The following SORCS1 variants were observed in gnomAD, a reference collection of about 807,000 sequenced individuals.
The protein encoded by SORCS1 is sortilin related VPS10 domain containing receptor 1, also known as VPS10 domain-containing receptor SorCS1.
SORCS1 carries 60 observed loss-of-function variants against 146.1 expected under a neutral mutation model. The observed-to-expected ratio is 0.41, with a 90% CI of 0.33 to 0.51. SORCS1 has a LOEUF of 0.51. Ranked by LOEUF, SORCS1 falls within the 20% of genes least tolerant of loss-of-function variation. The pLI, the probability that SORCS1 is intolerant of heterozygous loss-of-function variation, is 0.21. For synonymous variants in SORCS1, 637 were observed against 584.0 expected (o/e 1.09, Z -1.31); for missense variants, 1,352 against 1,487.6 (o/e 0.91, Z 1.50).
intron 2 of SORCS1, among the ~76,000 whole-genome samples, chr10:106,913,573 G>A (rs1236126407): frequency 6.6e-6 from 1 of 152,168 alleles, no homozygotes; most frequent in East Asian, 1.9e-4. Flanking sequence ...CAAGGGTTTC[G>A]TAGCTGGGTG....
chr10:107,164,168 C>A lies in SORCS1; in HGVS notation c.359G>T (p.Arg120Leu). The A allele has an allele frequency of 6.2e-7, 1 of 1,612,718 alleles. No individual in the cohort carries two copies. The highest frequency in any genetic ancestry group is 8.5e-7 in the Non-Finnish European group (1 of 1,180,008). The change falls in exon 1 of 26, where the codon CGG (arginine) becomes CTG (leucine). Residue 120 changes from arginine to leucine, a missense_variant. This residue lies in a region of SORCS1 where 490 missense variants were observed against 489.1 expected (regional missense o/e 1.00). Coordinates refer to ENST00000263054, the MANE Select transcript of SORCS1 (RefSeq NM_052918.5). The surrounding 1 kb of genome is among the most constrained non-coding windows in gnomAD (Gnocchi z 6.8). ...GGGGCTCCGACTCGCGCCCTCTCCC[C>A]GTTCTGCCTTCTCCTGATCCGCTCC... Reference protein sequence around the residue: ...RSGADQEKAERGEGASRSPRG... With the variant: ...RSGADQEKAELGEGASRSPRG...
intron 4 of SORCS1, among the ~76,000 whole-genome samples, chr10:106,767,353 G>A (rs116555943): frequency 1.1e-3 from 170 of 152,298 alleles, no homozygotes; most frequent in African/African-American, 3.9e-3. Context: ...TACGGAACTA[G>A]AGCCGGTTGG....
At chr10:107,127,896 T>C (rs945408115) in intron 1 of SORCS1, among the ~76,000 whole-genome samples, 1 of 152,246 alleles carries the variant, frequency 6.6e-6, no homozygotes, top group Non-Finnish European at 1.5e-5. Context: ...CTTTACTAGC[T>C]GTGTGAACTT....
the SORCS1 span, among the ~76,000 whole-genome samples, chr10:107,174,718 T>A: frequency 1.3e-5 from 2 of 152,154 alleles, no homozygotes; most frequent in South Asian, 4.1e-4. Flanking sequence ...CTTAAGGATA[T>A]GTGCATATTA....
chr10:106,611,875 G>A (rs1481745085), intron 22 of SORCS1, 36 bp downstream of exon 22: 3 of 1,483,010 alleles, frequency 2.0e-6, no homozygotes, highest in Non-Finnish European at 2.8e-6. Flanking sequence ...AGAGAGAAAA[G>A]GTACCCGGGC....
chr10:106,575,564 C>T lies in SORCS1; in HGVS notation c.*1856G>A, dbSNP rs991129704. Reference sequence around the variant, plus strand: ...AACAGGCTTTTGTTTCCCTCTTTCTCTGAGCCTTCTTTCATGATTACCCTG... The same window carrying T: ...AACAGGCTTTTGTTTCCCTCTTTCTTTGAGCCTTCTTTCATGATTACCCTG... On this transcript the variant is annotated 3_prime_UTR_variant, in exon 26 of 26. Transcript: ENST00000263054. 2.6e-5 allele frequency: 4 copies of T among 152,354 alleles called. No homozygotes were observed. Among genetic ancestry groups the T allele is most frequent in the African/African-American group, 7.2e-5 (3 of 41,466 alleles). 9.4% of individuals were successfully genotyped at this position (152,354 alleles called of 1,614,324 possible).
At chr10:106,850,611 T>C (rs112015026) in intron 2 of SORCS1, among the ~76,000 whole-genome samples, 41,900 of 152,114 alleles carry the variant, frequency 0.28, 6,904 homozygotes, top group Non-Finnish European at 0.37. Context: ...GGCTCCTCCC[T>C]GATGCCTTTC....
chr10:106,869,553 A>C (rs1056331199), intron 2 of SORCS1, among the ~76,000 whole-genome samples: 6 of 152,224 alleles, frequency 3.9e-5, no homozygotes, highest in Admixed American at 6.5e-5. Context: ...CAAATCAATA[A>C]ATGTGATTCA....
chr10:106,599,749 ATTTC>A lies in SORCS1; in HGVS notation c.3166-2303_3166-2300del, dbSNP rs563990714. 7.6e-4 allele frequency among the ~76,000 whole-genome samples: 115 copies of A among 151,140 alleles called. 1 individual carries two copies. In the South Asian group the frequency reaches 9.9e-3, roughly 13 times the overall value. On this transcript the variant is annotated intron_variant, in intron 23 of 25. Transcript: ENST00000263054. ...CCCACTTTCAACCAGGTGAAGCCAT[ATTTC>A]TTTCTTTCTTTCTTTCTTTTTTTTT...
intron 1 of SORCS1, among the ~76,000 whole-genome samples, chr10:107,048,262 G>A (rs1959711924): frequency 6.6e-6 from 1 of 152,176 alleles, no homozygotes; most frequent in South Asian, 2.1e-4. Flanking sequence ...GCATTACAGA[G>A]AGTGAGCTTT....
At chr10:107,179,557 G>C in the SORCS1 span, among the ~76,000 whole-genome samples, 3 of 152,204 alleles carry the variant, frequency 2.0e-5, no homozygotes, top group South Asian at 6.2e-4. Context: ...ATTCAGCACT[G>C]TAATCCAATT....
At chr10:106,711,304 T>C (rs559377986) in intron 6 of SORCS1, among the ~76,000 whole-genome samples, 1 of 152,332 alleles carries the variant, frequency 6.6e-6, no homozygotes, top group Non-Finnish European at 1.5e-5. Context: ...CAGAGACTTA[T>C]GCAGAATTCT....
rs537220096 is a variant in SORCS1 at position 106,644,555 on chromosome 10, C to T, written c.2475+7827G>A. Among the ~76,000 whole-genome samples the T allele has an allele frequency of 7.2e-5, 11 of 152,050 alleles. No homozygotes were observed. The East Asian group carries it at 1.7e-3, about 24-fold the overall frequency. On this transcript the variant is annotated intron_variant, in intron 18 of 25. Transcript: ENST00000263054. ...CTAATTTCTGTATTTTTAGTAGAGACGGGGTTTCACTGTGATGGCTAGGCT... is the reference window on the plus strand; with the variant it reads ...CTAATTTCTGTATTTTTAGTAGAGATGGGGTTTCACTGTGATGGCTAGGCT...
intron 3 of SORCS1, among the ~76,000 whole-genome samples, chr10:106,785,699 T>G (rs1033865302): frequency 5.3e-5 from 8 of 152,176 alleles, no homozygotes; most frequent in Non-Finnish European, 1.0e-4. Context: ...ATTAAAGCTT[T>G]CCTGAAAAGA....
At chr10:106,750,526 G>C (rs1024268164) in intron 5 of SORCS1, among the ~76,000 whole-genome samples, 1 of 150,692 alleles carries the variant, frequency 6.6e-6, no homozygotes, top group Non-Finnish European at 1.5e-5. Context: ...ATAGGAGATC[G>C]AGACGATCCT....
intron 18 of SORCS1, among the ~76,000 whole-genome samples, chr10:106,630,593 T>C (rs1848384530): frequency 1.3e-5 from 2 of 152,238 alleles, no homozygotes; most frequent in Non-Finnish European, 2.9e-5. Context: ...TTCAGTCTCC[T>C]GCAGTCTCAG....
intron 6 of SORCS1, among the ~76,000 whole-genome samples, chr10:106,718,808 G>T (rs1437064605): frequency 6.6e-6 from 1 of 152,226 alleles, no homozygotes; most frequent in African/African-American, 2.4e-5. Context: ...TTTTTACAGA[G>T]TGCTGATTGG....
Position 106,672,857 on chromosome 10 carries a change from T to C in SORCS1, c.2058+11A>G. The C allele has an allele frequency of 6.2e-7, 1 of 1,611,522 alleles. No individual in the cohort carries two copies. Among genetic ancestry groups the C allele is most frequent in the South Asian group, 1.1e-5 (1 of 91,008 alleles). ...CTGCCCAGGCCTTAGTCTCAGTTCTTTTCCTCCTACCTGGCTGTGCAGCTG... is the reference window on the plus strand; with the variant it reads ...CTGCCCAGGCCTTAGTCTCAGTTCTCTTCCTCCTACCTGGCTGTGCAGCTG... On this transcript the variant is annotated intron_variant, in intron 15 of 25. Coordinates refer to ENST00000263054, the MANE Select transcript of SORCS1 (RefSeq NM_052918.5).
At chr10:107,084,766 G>C (rs571053490) in intron 1 of SORCS1, among the ~76,000 whole-genome samples, 73 of 152,198 alleles carry the variant, frequency 4.8e-4, no homozygotes, top group Middle Eastern at 6.8e-3. Flanking sequence ...ATGAGACTAA[G>C]TAAATTCTAC....
Sources: allele counts gnomAD v4.1 joint callset (sites outside exome capture counted in the v4.1 genomes callset), GRCh38; gene constraint gnomAD v4.1.1; regional missense constraint gnomAD v4.1.1; non-coding constraint Gnocchi (gnomAD v3.1); transcripts MANE v1.5; gene names NCBI Gene and HGNC (gene_info 2026-07-23, HGNC 2026-07-21).